Variants in TMCC1 observed in about 807,000 individuals in gnomAD.
The protein encoded by TMCC1 is transmembrane and coiled-coil domain family 1, also known as transmembrane and coiled-coil domains protein 1.
In TMCC1, 15 loss-of-function variants were observed where a neutral mutation model predicts 52.4. The ratio of observed to expected loss-of-function variants is 0.29; its 90% CI spans 0.19 to 0.44. TMCC1 has a LOEUF of 0.44. TMCC1 is among the 20% of genes least tolerant of loss of function. The pLI is 1.00. For missense variants in TMCC1, 503 were observed against 806.0 expected, an observed-to-expected ratio of 0.62 and a Z score of 4.55; for synonymous variants, 279 against 301.9, an observed-to-expected ratio of 0.92 and a Z score of 0.79.
intron 4 of TMCC1, among the ~76,000 whole-genome samples, chr3:129,726,483 G>A (rs1026170903): frequency 1.3e-5 from 2 of 152,044 alleles, no homozygotes; most frequent in African/African-American, 4.8e-5. Flanking sequence ...ATTTTATTGT[G>A]CTTTACTATC....
intron 4 of TMCC1, among the ~76,000 whole-genome samples, chr3:129,801,726 C>T (rs575743789): frequency 2.6e-5 from 4 of 152,294 alleles, no homozygotes; most frequent in East Asian, 3.9e-4. Context: ...TGAACCACCG[C>T]GCCCGGCCCA....
intron 4 of TMCC1, among the ~76,000 whole-genome samples, chr3:129,724,354 T>C (rs1237959527): frequency 6.6e-6 from 1 of 152,160 alleles, no homozygotes; most frequent in East Asian, 1.9e-4. Context: ...CTATTTTGTG[T>C]CTGGAGGAAA....
chr3:129,699,231 T>G (rs991283109), intron 4 of TMCC1, among the ~76,000 whole-genome samples: 1 of 152,054 alleles, frequency 6.6e-6, no homozygotes, highest in Admixed American at 6.6e-5. Flanking sequence ...CAGGATGAGA[T>G]AGGAGGTCAG....
At chr3:129,686,096 G>A (rs1265143198) in intron 4 of TMCC1, among the ~76,000 whole-genome samples, 3 of 152,070 alleles carry the variant, frequency 2.0e-5, no homozygotes, top group Admixed American at 6.5e-5. Flanking sequence ...CTGCATTCAC[G>A]TAGGTTCTCA....
intron 5 of TMCC1, among the ~76,000 whole-genome samples, chr3:129,658,623 A>G (rs1315441509): frequency 6.6e-6 from 1 of 152,232 alleles, no homozygotes; most frequent in Non-Finnish European, 1.5e-5. Context: ...AGCAAAATAC[A>G]AGGCATGCTT....
At chr3:129,669,359 A>G (rs2087728295) in intron 5 of TMCC1, among the ~76,000 whole-genome samples, 1 of 152,218 alleles carries the variant, frequency 6.6e-6, no homozygotes, top group African/African-American at 2.4e-5. Flanking sequence ...TGTAGCTCCC[A>G]TAAGACTAGT....
intron 5 of TMCC1, among the ~76,000 whole-genome samples, chr3:129,663,096 G>A (rs2087166582): frequency 6.6e-6 from 1 of 152,170 alleles, no homozygotes; most frequent in East Asian, 1.9e-4. Context: ...CAACACAGTA[G>A]TCAACTTCCT....
At chr3:129,764,779 ATATATATATATTTTTTTTTTTTT>A (rs1366250416) in intron 4 of TMCC1, among the ~76,000 whole-genome samples, 1 of 68,044 alleles carries the variant, frequency 1.5e-5, no homozygotes, top group African/African-American at 7.5e-5. Flanking sequence ...ATATATATAT[ATATATATATATTTTTTTTTTTTT>A]TTTTTTTTTT....
intron 4 of TMCC1, among the ~76,000 whole-genome samples, chr3:129,692,368 T>G (rs1205007471): frequency 6.6e-6 from 1 of 152,220 alleles, no homozygotes; most frequent in African/African-American, 2.4e-5. Flanking sequence ...CACAGACTAA[T>G]GTTAAATGGA....
chr3:129,724,170 C>T (rs1388020069), intron 4 of TMCC1, among the ~76,000 whole-genome samples: 3 of 152,142 alleles, frequency 2.0e-5, no homozygotes, highest in Non-Finnish European at 4.4e-5. Flanking sequence ...GGCATGTTGG[C>T]AGCTGTACAG....
chr3:129,793,408 C>T (rs966187284), intron 4 of TMCC1, among the ~76,000 whole-genome samples: 1 of 152,156 alleles, frequency 6.6e-6, no homozygotes, highest in Non-Finnish European at 1.5e-5. Flanking sequence ...CAGGATCTAA[C>T]AATTCTGATT....
chr3:129,735,284 T>A (rs966455602), intron 4 of TMCC1, among the ~76,000 whole-genome samples: 1 of 152,122 alleles, frequency 6.6e-6, no homozygotes, highest in Non-Finnish European at 1.5e-5. Flanking sequence ...AACATTCAAA[T>A]GTTTAATGAA....
intron 3 of TMCC1, among the ~76,000 whole-genome samples, chr3:129,831,922 T>G (rs1363085570): frequency 6.6e-6 from 1 of 152,152 alleles, no homozygotes; most frequent in Non-Finnish European, 1.5e-5. Context: ...TGGCACAATC[T>G]CAGCTCACTG....
At chr3:129,686,120 A>C (rs2089388050) in intron 4 of TMCC1, among the ~76,000 whole-genome samples, 1 of 152,170 alleles carries the variant, frequency 6.6e-6, no homozygotes, top group Non-Finnish European at 1.5e-5. Flanking sequence ...AAGCTGAAGA[A>C]ATTATTTTTT....
chr3:129,674,354 C>T (rs1576397858), intron 4 of TMCC1, among the ~76,000 whole-genome samples: 1 of 152,154 alleles, frequency 6.6e-6, no homozygotes, highest in Admixed American at 6.6e-5. Context: ...TGATAGAACC[C>T]AACGTCTTCA....
chr3:129,873,639 G>A (rs547459312), intron 2 of TMCC1, among the ~76,000 whole-genome samples: 1 of 152,166 alleles, frequency 6.6e-6, no homozygotes, highest in East Asian at 1.9e-4. Flanking sequence ...ACGATCACAC[G>A]CACCACTACA....
chr3:129,889,363 G>C (rs905357870), intron 1 of TMCC1, among the ~76,000 whole-genome samples: 1 of 152,180 alleles, frequency 6.6e-6, no homozygotes, highest in African/African-American at 2.4e-5. Context: ...TCACAACCAA[G>C]AGGAGCTAAG....
At position 129,830,147 on chromosome 3, in the gene TMCC1, A is replaced by G. The variant is rs145775180; in HGVS notation, c.-130-1639T>C. On this transcript the variant is annotated intron_variant, in intron 3 of 6. Transcript: ENST00000393238. ...ATTCTTTGTGGCTCCACTGAAATCT[A>G]GCCATCCCACTATGGCCTGTTACCC... Among the ~76,000 whole-genome samples the G allele has an allele frequency of 8.9e-3, 1,355 of 152,318 alleles. 23 individuals carry two copies. Among genetic ancestry groups the G allele is most frequent in the African/African-American group, 0.029 (1,193 of 41,550 alleles).
At chr3:129,710,951 G>A (rs576352398) in intron 4 of TMCC1, among the ~76,000 whole-genome samples, 2 of 152,108 alleles carry the variant, frequency 1.3e-5, no homozygotes, top group African/African-American at 2.4e-5. Flanking sequence ...TGCAACCTCC[G>A]CCTCCCAGTT....
Sources: allele counts gnomAD v4.1 joint callset (sites outside exome capture counted in the v4.1 genomes callset), GRCh38; gene constraint gnomAD v4.1.1; transcripts MANE v1.5; gene names NCBI Gene and HGNC (gene_info 2026-07-23, HGNC 2026-07-21).